The following BST1 variants were observed in gnomAD, a reference collection of about 807,000 sequenced individuals.
BST1 encodes bone marrow stromal cell antigen 1.
BST1 carries 49 observed loss-of-function variants against 40.6 expected under a neutral mutation model. The observed-to-expected ratio is 1.21, with a 90% confidence interval of 0.96 to 1.53. The LOEUF (loss-of-function observed/expected upper bound fraction) is 1.53, where lower values mean the gene tolerates loss of function less well. BST1 is among the 40% of genes most tolerant of loss of function. BST1 has a pLI of 0.00. For missense variants in BST1, 423 were observed against 395.9 expected, an observed-to-expected ratio of 1.07 and a Z score of -0.58; for synonymous variants, 157 against 159.3, an observed-to-expected ratio of 0.99 and a Z score of 0.11.
the BST1 span, among the ~76,000 whole-genome samples, chr4:15,747,272 A>G: frequency 3.9e-5 from 6 of 152,164 alleles, no homozygotes; most frequent in Non-Finnish European, 8.8e-5. Context: ...CTTAGGAACC[A>G]TGGGATATAT....
At chr4:15,763,520 G>A in the BST1 span, among the ~76,000 whole-genome samples, 41 of 151,866 alleles carry the variant, frequency 2.7e-4, no homozygotes, top group Middle Eastern at 3.4e-3. Flanking sequence ...TATTTGTAGA[G>A]CTTATTACTT....
rs1322647522 is a variant in BST1, at chr4:15,731,430, C to T, written c.852-310C>T. 5 of 677,380 alleles carry T rather than the reference C, an allele frequency of 7.4e-6. No homozygotes were observed. In the East Asian group the frequency reaches 1.9e-4, roughly 25 times the overall value. 42.0% of individuals were successfully genotyped at this position (677,380 alleles called of 1,614,324 possible). A position where few individuals can be genotyped will look rare whatever the true frequency, so the allele number is the denominator to read the frequency against. ...ACGGTGCTGCTGGTTACCCAGGACACACATGGAGAACTTGGGGCAGGGAGT... is the reference window on the plus strand; with the variant it reads ...ACGGTGCTGCTGGTTACCCAGGACATACATGGAGAACTTGGGGCAGGGAGT... On this transcript the variant is annotated intron_variant, in intron 8 of 8. Transcript: ENST00000265016.
At chr4:15,767,564 A>C in the BST1 span, among the ~76,000 whole-genome samples, 2 of 150,368 alleles carry the variant, frequency 1.3e-5, no homozygotes, top group African/African-American at 4.9e-5. Flanking sequence ...CGGCTTTCCA[A>C]AGTGCTGGGG....
intron 8 of BST1, 156 bp from the exon 9 acceptor site, chr4:15,731,584 C>G: frequency 8.9e-7 from 1 of 1,117,838 alleles, no homozygotes; most frequent in Non-Finnish European, 1.3e-6. Context: ...CAGGACTTCG[C>G]GCACCGCCTC....
the BST1 span, among the ~76,000 whole-genome samples, chr4:15,747,575 A>C: frequency 1.3e-5 from 2 of 152,224 alleles, no homozygotes; most frequent in Non-Finnish European, 2.9e-5. Context: ...AAACATTGTC[A>C]GCGAGCTGTG....
intron 8 of BST1, chr4:15,723,579 C>T (rs931155832): frequency 1.0e-6 from 1 of 985,270 alleles, no homozygotes; most frequent in Non-Finnish European, 1.2e-6. Flanking sequence ...CTTTCTGAGT[C>T]ATGGGCTGGC....
the BST1 span, among the ~76,000 whole-genome samples, chr4:15,744,537 A>G: frequency 6.6e-6 from 1 of 152,160 alleles, no homozygotes. Context: ...GACACATGGG[A>G]TTATGGGGAT....
chr4:15,710,917 G>A (rs776912364), intron 3 of BST1, among the ~76,000 whole-genome samples: 2 of 152,066 alleles, frequency 1.3e-5, no homozygotes, highest in Non-Finnish European at 2.9e-5. Context: ...AGCCTCCTGA[G>A]TAGCTGGGAC....
At chr4:15,719,777 T>A (rs1443749237) in intron 7 of BST1, among the ~76,000 whole-genome samples, 1 of 152,194 alleles carries the variant, frequency 6.6e-6, no homozygotes, top group Non-Finnish European at 1.5e-5. Flanking sequence ...AGCAGCCCCA[T>A]GGGCTGGATC....
At chr4:15,711,711 A>G (rs946175380) in intron 3 of BST1, 96 bp from the exon 4 acceptor site, 7 of 976,602 alleles carry the variant, frequency 7.2e-6, no homozygotes, top group Non-Finnish European at 9.8e-6. Flanking sequence ...AATGGAAGCT[A>G]AGTATACATC....
intron 3 of BST1, 78 bp from the exon 4 acceptor site, chr4:15,711,729 T>A: frequency 8.8e-7 from 1 of 1,133,612 alleles, no homozygotes; most frequent in Non-Finnish European, 1.3e-6. Flanking sequence ...ATCATGGAAC[T>A]GGGATATATT....
Position 15,703,103 on chromosome 4 carries a change from G to A in BST1, c.-42G>A. The A allele has an allele frequency of 1.3e-6, 2 of 1,540,486 alleles. No homozygotes were observed. Among genetic ancestry groups the A allele is most frequent in the Non-Finnish European group, 1.7e-6 (2 of 1,150,960 alleles). ...ACCGCCTTGGTAGAAGGAGAGAAGGGGAGTGGAGGAAGCACGGGACTGGAG... is the reference window on the plus strand; with the variant it reads ...ACCGCCTTGGTAGAAGGAGAGAAGGAGAGTGGAGGAAGCACGGGACTGGAG... On this transcript the variant is annotated 5_prime_UTR_variant, in exon 1 of 9. Coordinates refer to ENST00000265016, the MANE Select transcript of BST1 (RefSeq NM_004334.3).
At chr4:15,745,928 G>A in the BST1 span, among the ~76,000 whole-genome samples, 3 of 152,278 alleles carry the variant, frequency 2.0e-5, no homozygotes, top group Middle Eastern at 0.01. Context: ...GGGCCAGACT[G>A]ATGTCATATA....
Position 15,707,553 on chromosome 4 carries a change from G to A in BST1, c.358G>A (p.Ala120Thr), listed in dbSNP as rs141145843. Residue 120 changes from alanine to threonine, a missense_variant, in exon 3 of 9, where the codon GCA becomes ACA. By Grantham distance (58) the Ala-to-Thr change is moderately conservative (BLOSUM62 0). Coordinates refer to ENST00000265016, the MANE Select transcript of BST1 (RefSeq NM_004334.3). ...ENSHLLVNSF[A>T]DNTRRFMPLS... ...TAGCCACCTCCTTGTTAACAGCTTT[G>A]CAGACAACACCCGTCGTTTTATGCC... 44 of 1,610,644 alleles carry A rather than the reference G, an allele frequency of 2.7e-5. No individual in the cohort carries two copies. Among genetic ancestry groups the A allele is most frequent in the African/African-American group, 6.7e-5 (5 of 74,670 alleles).
At chr4:15,734,798 A>G (rs1282814450), downstream of BST1, among the ~76,000 whole-genome samples, 2 of 152,176 alleles carry the variant, frequency 1.3e-5, no homozygotes, top group Non-Finnish European at 2.9e-5. Context: ...TATCCAAAAA[A>G]CAGTAGACAT....
intron 8 of BST1, 140 bp from the exon 9 acceptor site, chr4:15,731,600 G>C (rs1721376420): frequency 8.3e-7 from 1 of 1,198,330 alleles, no homozygotes; most frequent in Non-Finnish European, 1.2e-6. Flanking sequence ...GCCTCCTACG[G>C]GGTGTCACGG....
chr4:15,714,098 A>G (rs981072082), intron 4 of BST1, among the ~76,000 whole-genome samples: 5 of 152,098 alleles, frequency 3.3e-5, no homozygotes, highest in African/African-American at 1.2e-4. Flanking sequence ...TAAATTAATC[A>G]CCCACATTCC....
downstream of BST1, among the ~76,000 whole-genome samples, chr4:15,734,246 T>G (rs1721484441): frequency 6.6e-6 from 1 of 152,198 alleles, no homozygotes; most frequent in African/African-American, 2.4e-5. Flanking sequence ...TTGGGAGCGA[T>G]GGAGCTGCTC....
intron 6 of BST1, among the ~76,000 whole-genome samples, 186 bp from the exon 7 acceptor site, chr4:15,718,721 A>C (rs568960300): frequency 6.6e-6 from 1 of 152,226 alleles, no homozygotes; most frequent in African/African-American, 2.4e-5. Flanking sequence ...TCCTCAGAGC[A>C]TCGTCTCTTG....
Sources: gnomAD v4.1 joint callset for allele counts (sites outside exome capture counted in the v4.1 genomes callset) on GRCh38, gnomAD v4.1.1 for gene constraint, MANE v1.5 for transcripts, NCBI Gene and HGNC (gene_info 2026-07-23, HGNC 2026-07-21) for gene names.